Variants in SGK1 observed in about 807,000 individuals in gnomAD.
The protein encoded by SGK1 is serum/glucocorticoid regulated kinase 1, also known as serine/threonine-protein kinase Sgk1.
SGK1 carries 26 observed loss-of-function variants against 64.2 expected under a neutral mutation model. The ratio of observed to expected loss-of-function variants is 0.40; its 90% CI spans 0.30 to 0.56. SGK1 has a LOEUF of 0.56. Among genes scored for constraint, SGK1 ranks in the 20% least tolerant of loss-of-function variants. The probability of loss-of-function intolerance (pLI) is 0.38; values close to 1 mark genes in which losing one functional copy is unlikely to be tolerated. For missense variants in SGK1, 519 were observed against 645.6 expected, an observed-to-expected ratio of 0.80 and a Z score of 2.12; for synonymous variants, 265 against 239.7, an observed-to-expected ratio of 1.11 and a Z score of -0.98.
intron 3 of SGK1, among the ~76,000 whole-genome samples, chr6:134,193,824 AGAGGGGAGGGAAGGG>A (rs1562246568): frequency 0.016 from 4 of 254 alleles, no homozygotes; most frequent in East Asian, 0.071. Context: ...AGAAGGGAGG[AGAGGGGAGGGAAGGG>A]GAGGGGAGGG....
intron 3 of SGK1, among the ~76,000 whole-genome samples, chr6:134,190,352 C>T (rs1031064820): frequency 1.6e-4 from 24 of 147,682 alleles, no homozygotes; most frequent in Admixed American, 3.5e-4. Context: ...GTGGCATGAT[C>T]TCGGCTCACT....
chr6:134,234,798 C>G (rs1012795795), intron 2 of SGK1, among the ~76,000 whole-genome samples: 3 of 152,174 alleles, frequency 2.0e-5, no homozygotes, highest in Admixed American at 1.3e-4. Flanking sequence ...ATGGCTTGAA[C>G]CTGGGAGGTG....
intron 1 of SGK1, among the ~76,000 whole-genome samples, chr6:134,305,148 A>G (rs1019172583): frequency 6.6e-6 from 1 of 152,100 alleles, no homozygotes; most frequent in African/African-American, 2.4e-5. Context: ...ACCTGAGGTC[A>G]GGAGTTTGAG....
At chr6:134,206,220 G>C in intron 3 of SGK1, among the ~76,000 whole-genome samples, 1 of 150,752 alleles carries the variant, frequency 6.6e-6, no homozygotes, top group Non-Finnish European at 1.5e-5. Flanking sequence ...AACAAACTTG[G>C]ACTCATGTGT....
intron 2 of SGK1, among the ~76,000 whole-genome samples, chr6:134,240,034 G>C (rs1425434773): frequency 6.6e-6 from 1 of 152,154 alleles, no homozygotes; most frequent in Admixed American, 6.6e-5. Flanking sequence ...GCTCACGCCT[G>C]TAATCCCAGC....
intron 2 of SGK1, among the ~76,000 whole-genome samples, chr6:134,209,437 A>AAAAC (rs551769684): frequency 2.6e-5 from 4 of 152,164 alleles, no homozygotes; most frequent in Admixed American, 6.5e-5. Context: ...CTGTCTCAAA[A>AAAAC]AAACAAACAA....
At chr6:134,198,726 A>ATTTTTTTTTTT (rs1178699258) in intron 3 of SGK1, among the ~76,000 whole-genome samples, 13 of 101,790 alleles carry the variant, frequency 1.3e-4, no homozygotes, top group African/African-American at 1.9e-4. Context: ...CTCTTTTTCT[A>ATTTTTTTTTTT]TTTTTTTTTT....
At chr6:134,305,318 C>G (rs1344944040) in intron 1 of SGK1, among the ~76,000 whole-genome samples, 2 of 148,374 alleles carry the variant, frequency 1.3e-5, no homozygotes, top group African/African-American at 5.0e-5. Context: ...AAAATCGCGC[C>G]CACTGCACTC....
chr6:134,259,813 G>GT (rs1340818084), intron 2 of SGK1: 2 of 152,156 alleles, frequency 1.3e-5, no homozygotes, highest in East Asian at 3.9e-4. Context: ...CGTCTTTATT[G>GT]TTTTTCATGA....
rs573243443 is a variant in SGK1 at position 134,237,157 on chromosome 6, C to T, written c.285+24776G>A. ...GCAACCTCTGCCTCTGGGGCTCAAG[C>T]GATCCTCCTACCTTAGCCTCCCAAA... On this transcript the variant is annotated intron_variant, in intron 2 of 13. Transcript: ENST00000367858. 3.3e-5 allele frequency among the ~76,000 whole-genome samples: 5 copies of T among 150,364 alleles called. No individual in the cohort carries two copies. In the South Asian group the frequency reaches 6.3e-4, roughly 19 times the overall value.
At chr6:134,226,699 AAAAAAT>A (rs1230628226) in intron 2 of SGK1, among the ~76,000 whole-genome samples, 1 of 151,712 alleles carries the variant, frequency 6.6e-6, no homozygotes, top group African/African-American at 2.4e-5. Context: ...GTCTCAAAAA[AAAAAAT>A]AAAAATAAAA....
chr6:134,295,258 A>T (rs1026892891), intron 1 of SGK1, among the ~76,000 whole-genome samples: 2 of 152,204 alleles, frequency 1.3e-5, no homozygotes, highest in African/African-American at 4.8e-5. Flanking sequence ...CAGGAGAAAG[A>T]AGAAGAGACG....
chr6:134,290,882 C>T (rs567892750), intron 1 of SGK1, among the ~76,000 whole-genome samples: 11 of 152,092 alleles, frequency 7.2e-5, no homozygotes, highest in Non-Finnish European at 1.6e-4. Context: ...TGGTTTGGCC[C>T]ATCATTGTTT....
chr6:134,188,313 C>G (rs1033703856), intron 3 of SGK1, among the ~76,000 whole-genome samples: 3 of 152,078 alleles, frequency 2.0e-5, no homozygotes, highest in Admixed American at 1.3e-4. Flanking sequence ...TTCCAAGTCT[C>G]TGACCATCCA....
At chr6:134,214,348 T>C (rs1405026578) in intron 2 of SGK1, among the ~76,000 whole-genome samples, 1 of 152,174 alleles carries the variant, frequency 6.6e-6, no homozygotes, top group Non-Finnish European at 1.5e-5. Flanking sequence ...CTCAGCAATT[T>C]GGGAGGCCGA....
chr6:134,280,992 C>A (rs187504514), intron 1 of SGK1, among the ~76,000 whole-genome samples: 4 of 152,090 alleles, frequency 2.6e-5, no homozygotes, highest in Admixed American at 6.6e-5. Flanking sequence ...CACTTAAACC[C>A]GAAAGGCAGA....
At chr6:134,303,865 A>G (rs1777495682) in intron 1 of SGK1, among the ~76,000 whole-genome samples, 1 of 152,046 alleles carries the variant, frequency 6.6e-6, no homozygotes, top group Non-Finnish European at 1.5e-5. Context: ...TTGAGAGGTG[A>G]AGTTTATTTT....
chr6:134,217,553 G>A (rs797009728), intron 2 of SGK1, among the ~76,000 whole-genome samples: 36 of 152,208 alleles, frequency 2.4e-4, no homozygotes, highest in African/African-American at 8.7e-4. Context: ...ACACCACACC[G>A]GTCAAGATGG....
At chr6:134,177,074 C>A (rs533633208) in intron 3 of SGK1, among the ~76,000 whole-genome samples, 1 of 152,210 alleles carries the variant, frequency 6.6e-6, no homozygotes, top group East Asian at 1.9e-4. Flanking sequence ...ATTAGCCAGG[C>A]GTGGTGGCGT....
Sources: allele counts gnomAD v4.1 joint callset (sites outside exome capture counted in the v4.1 genomes callset), GRCh38; gene constraint gnomAD v4.1.1; transcripts MANE v1.5; gene names NCBI Gene and HGNC (gene_info 2026-07-23, HGNC 2026-07-21).